GRIN3A: variants seen among roughly 807,000 people sequenced by gnomAD.
GRIN3A encodes glutamate receptor ionotropic, NMDA 3A.
Under a neutral mutation model 92.4 loss-of-function variants are expected in GRIN3A, and 47 were observed. The ratio of observed to expected loss-of-function variants is 0.51; its 90% confidence interval spans 0.40 to 0.65. GRIN3A has a LOEUF of 0.65. Among genes scored for constraint, GRIN3A ranks in the 30% least tolerant of loss-of-function variants. The probability of loss-of-function intolerance (pLI) is 0.00; values close to 1 mark genes in which losing one functional copy is unlikely to be tolerated. For synonymous variants in GRIN3A, 527 were observed against 540.6 expected, an observed-to-expected ratio of 0.97 and a Z score of 0.35; for missense variants, 1,324 against 1,393.1, an observed-to-expected ratio of 0.95 and a Z score of 0.79.
chr9:101,702,910 C>T (rs1291236208), intron 1 of GRIN3A, among the ~76,000 whole-genome samples: 1 of 152,182 alleles, frequency 6.6e-6, no homozygotes, highest in Non-Finnish European at 1.5e-5. Context: ...CTTCTTGTCA[C>T]TCCTTAATCC....
chr9:101,692,069 A>G (rs1588285521), intron 1 of GRIN3A, among the ~76,000 whole-genome samples: 1 of 152,326 alleles, frequency 6.6e-6, no homozygotes, highest in East Asian at 1.9e-4. Context: ...TCACTGTTGG[A>G]AGTGACTGAC....
intron 3 of GRIN3A, among the ~76,000 whole-genome samples, chr9:101,633,796 A>G (rs991817233): frequency 6.8e-6 from 1 of 147,710 alleles, no homozygotes; most frequent in Non-Finnish European, 1.5e-5. Context: ...CTGGTGCCAA[A>G]AAGGTTGGGG....
intron 6 of GRIN3A, among the ~76,000 whole-genome samples, chr9:101,596,386 T>C (rs928926873): frequency 6.6e-6 from 1 of 152,216 alleles, no homozygotes; most frequent in Admixed American, 6.5e-5. Flanking sequence ...TTTCAGTTAT[T>C]CAGAGAAATG....
At chr9:101,618,748 A>G (rs1350590896) in intron 5 of GRIN3A, among the ~76,000 whole-genome samples, 3 of 152,280 alleles carry the variant, frequency 2.0e-5, no homozygotes, top group Admixed American at 2.0e-4. Flanking sequence ...AAAAACATAA[A>G]ATAAAACCTT....
intron 1 of GRIN3A, among the ~76,000 whole-genome samples, chr9:101,724,755 C>CA (rs1808522100): frequency 6.6e-6 from 1 of 152,236 alleles, no homozygotes; most frequent in African/African-American, 2.4e-5. Flanking sequence ...TAGTTGCCAC[C>CA]ATGTAAGAAG....
chr9:101,637,676 TA>T (rs1171508456), intron 3 of GRIN3A, among the ~76,000 whole-genome samples: 4 of 152,212 alleles, frequency 2.6e-5, no homozygotes, highest in Non-Finnish European at 1.5e-5. Flanking sequence ...CAATATTTGT[TA>T]CAATCTCCAA....
At chr9:101,573,566 G>T in intron 8 of GRIN3A, 53 bp from the exon 9 acceptor site, 1 of 1,391,454 alleles carries the variant, frequency 7.2e-7, no homozygotes, top group African/African-American at 1.4e-5. Flanking sequence ...CTCTCAAGGT[G>T]CTGTCTTCAT....
intron 6 of GRIN3A, among the ~76,000 whole-genome samples, chr9:101,605,403 GT>G (rs1449700998): frequency 6.6e-6 from 1 of 151,970 alleles, no homozygotes; most frequent in East Asian, 1.9e-4. Flanking sequence ...AGCAATTTGT[GT>G]TCATGACATT....
chr9:101,696,119 G>C (rs955585457), intron 1 of GRIN3A, among the ~76,000 whole-genome samples: 1 of 152,208 alleles, frequency 6.6e-6, no homozygotes, highest in African/African-American at 2.4e-5. Flanking sequence ...ACTGAGGAGG[G>C]TAAGGACCGG....
chr9:101,616,091 C>T (rs551290088), intron 5 of GRIN3A, among the ~76,000 whole-genome samples: 1 of 152,290 alleles, frequency 6.6e-6, no homozygotes, highest in South Asian at 2.1e-4. Context: ...TAAGTCCTGA[C>T]CACTTAACAT....
intron 5 of GRIN3A, among the ~76,000 whole-genome samples, chr9:101,620,020 A>G (rs1828528677): frequency 6.6e-6 from 1 of 152,250 alleles, no homozygotes; most frequent in Admixed American, 6.5e-5. Context: ...CTCAGTGTGG[A>G]GCCACTGTCC....
chr9:101,707,889 G>C (rs1034582803), intron 1 of GRIN3A, among the ~76,000 whole-genome samples: 3 of 152,132 alleles, frequency 2.0e-5, no homozygotes, highest in Non-Finnish European at 2.9e-5. Context: ...GGAGTGGAAA[G>C]GAGCATGAAG....
intron 1 of GRIN3A, among the ~76,000 whole-genome samples, chr9:101,726,882 A>T (rs35159903): frequency 0.14 from 21,289 of 152,126 alleles, 1,856 homozygotes; most frequent in Admixed American, 0.2. Context: ...TGTAATCTTA[A>T]TTTAAATTCA....
chr9:101,582,507 G>A lies in GRIN3A; in HGVS notation c.2767-3147C>T, dbSNP rs575568919. On this transcript the variant is annotated intron_variant, in intron 6 of 8. Coordinates refer to ENST00000361820, the MANE Select transcript of GRIN3A (RefSeq NM_133445.3). ...GGTAGGGAAGCACGTTGGACCCCAAGGGCTTCAGAGGTACTAGGGATTTTC... is the reference window on the plus strand; with the variant it reads ...GGTAGGGAAGCACGTTGGACCCCAAAGGCTTCAGAGGTACTAGGGATTTTC... Among the ~76,000 whole-genome samples, 221 of 152,300 alleles carry A rather than the reference G, an allele frequency of 1.5e-3. 1 individual carries two copies. Among genetic ancestry groups the A allele is most frequent in the Non-Finnish European group, 2.6e-3 (176 of 68,034 alleles).
At chr9:101,643,677 T>A (rs62577433) in intron 3 of GRIN3A, among the ~76,000 whole-genome samples, 38,336 of 144,698 alleles carry the variant, frequency 0.26, 5,036 homozygotes, top group East Asian at 0.39. Flanking sequence ...TCTCTCTCTC[T>A]CTCTCTCACA....
intron 1 of GRIN3A, among the ~76,000 whole-genome samples, chr9:101,693,758 GA>G (rs1375117476): frequency 6.6e-6 from 1 of 152,106 alleles, no homozygotes; most frequent in African/African-American, 2.4e-5. Context: ...CAATTCTTGT[GA>G]AATGATGAAA....
At position 101,663,065 on chromosome 9, in the gene GRIN3A, T is replaced by C. The variant is rs546419213; in HGVS notation, c.2352+6995A>G. Reference sequence around the variant, plus strand: ...CATTCCCATTTTCCTGGCTTTCCAATGTCATAGTTGATGAGACAGTTGCAC... The same window carrying C: ...CATTCCCATTTTCCTGGCTTTCCAACGTCATAGTTGATGAGACAGTTGCAC... On this transcript the variant is annotated intron_variant, in intron 3 of 8. Transcript: ENST00000361820. Among the ~76,000 whole-genome samples, 3 of 131,322 alleles carry C rather than the reference T, an allele frequency of 2.3e-5. No homozygotes were observed. The South Asian group carries it at 7.9e-4, about 34-fold the overall frequency. 86.2% of individuals were successfully genotyped at this position (131,322 alleles called of 152,430 possible). A position where few individuals can be genotyped will look rare whatever the true frequency, so the allele number is the denominator to read the frequency against.
chr9:101,734,038 C>T (rs1830172258), intron 1 of GRIN3A, among the ~76,000 whole-genome samples: 1 of 151,956 alleles, frequency 6.6e-6, no homozygotes, highest in South Asian at 2.1e-4. Context: ...GGATCTAAGC[C>T]AATTATATTA....
In GRIN3A at chr9:101,640,419, A is replaced by T. The variant is rs186312654; in HGVS notation, c.2353-12018T>A. Among the ~76,000 whole-genome samples, 4 of 152,342 alleles carry T rather than the reference A, an allele frequency of 2.6e-5. No homozygotes were observed. The East Asian group carries it at 7.7e-4, about 29-fold the overall frequency. ...AATTTTCATGCATCAGTAACAAAAA[A>T]CACATGGAATGATTTGTAAAGTTTG... On this transcript the variant is annotated intron_variant, in intron 3 of 8. Coordinates refer to ENST00000361820, the MANE Select transcript of GRIN3A (RefSeq NM_133445.3).
Sources: gnomAD v4.1 joint callset for allele counts (sites outside exome capture counted in the v4.1 genomes callset) on GRCh38, gnomAD v4.1.1 for gene constraint, MANE v1.5 for transcripts, NCBI Gene and HGNC (gene_info 2026-07-23, HGNC 2026-07-21) for gene names.